PSD3: variants seen among roughly 807,000 people sequenced by gnomAD.
PSD3 encodes pleckstrin and Sec7 domain containing 3, also known as PH and SEC7 domain-containing protein 3.
A neutral mutation model predicts 105.5 loss-of-function variants in PSD3; 49 were observed. The observed-to-expected ratio is 0.46, with a 90% CI of 0.37 to 0.59. The LOEUF (loss-of-function observed/expected upper bound fraction) is 0.59. Ranked by LOEUF, PSD3 falls within the 20% of genes least tolerant of loss-of-function variation. The pLI, the probability that PSD3 is intolerant of heterozygous loss-of-function variation, is 0.00. For missense variants in PSD3, 1,561 were observed against 1,263.8 expected, an observed-to-expected ratio of 1.24 and a Z score of -3.57; for synonymous variants, 557 against 457.8, an observed-to-expected ratio of 1.22 and a Z score of -2.77.
chr8:18,691,976 C>T (rs1800995317), intron 9 of PSD3, among the ~76,000 whole-genome samples: 1 of 152,192 alleles, frequency 6.6e-6, no homozygotes, highest in African/African-American at 2.4e-5. Flanking sequence ...AAATTACCAA[C>T]ATTTCATTTT....
chr8:18,673,497 G>A lies in PSD3; in HGVS notation c.2173-17812C>T, dbSNP rs116458765. 8.2e-3 allele frequency among the ~76,000 whole-genome samples: 1,243 copies of A among 152,208 alleles called. 12 individuals are homozygous for A. Among genetic ancestry groups the A allele is most frequent in the African/African-American group, 0.028 (1,147 of 41,500 alleles). On this transcript the variant is annotated intron_variant, in intron 9 of 15. Coordinates refer to ENST00000327040, the MANE Select transcript of PSD3 (RefSeq NM_015310.4). ...CCAGCAGGCATTCCTTCGGTGCCAT[G>A]GTTGGAAGCATGTCTCTTGGCATCG... is the stretch of plus-strand genomic sequence containing the variant.
At chr8:18,560,611 T>C (rs1223671059) in intron 14 of PSD3, among the ~76,000 whole-genome samples, 1 of 152,098 alleles carries the variant, frequency 6.6e-6, no homozygotes, top group African/African-American at 2.4e-5. Flanking sequence ...TATATGTCAA[T>C]AGATTTAAAT....
chr8:18,567,904 G>C (rs370916974), intron 14 of PSD3, among the ~76,000 whole-genome samples: 1 of 152,182 alleles, frequency 6.6e-6, no homozygotes, highest in Non-Finnish European at 1.5e-5. Flanking sequence ...AGGTGTTTGC[G>C]TTATGGGGGT....
intron 12 of PSD3, among the ~76,000 whole-genome samples, chr8:18,585,812 C>A (rs73579995): frequency 0.016 from 2,425 of 152,154 alleles, 73 homozygotes; most frequent in African/African-American, 0.056. Context: ...TCATTTTACA[C>A]AGAAATGAGT....
At chr8:18,555,875 G>A (rs1370595578) in intron 15 of PSD3, among the ~76,000 whole-genome samples, 1 of 152,162 alleles carries the variant, frequency 6.6e-6, no homozygotes, top group Non-Finnish European at 1.5e-5. Flanking sequence ...AATTCTGCCG[G>A]AAGAGACACA....
chr8:18,698,692 TAGC>T lies in PSD3; in HGVS notation c.2173-43010_2173-43008del, dbSNP rs1443890255. The stretch of plus-strand genomic sequence containing the variant: ...ACAAGTTTATGGTAATTTGATACAG[TAGC>T]AATAGCAAACAGATATACCTATAAT... On this transcript the variant is annotated intron_variant, in intron 9 of 15. Transcript: ENST00000327040. 2.0e-5 allele frequency among the ~76,000 whole-genome samples: 3 copies of T among 152,284 alleles called. No homozygotes were observed. The South Asian group carries it at 6.2e-4, about 32-fold the overall frequency.
intron 4 of PSD3, chr8:18,865,264 ATATATATATATATATATATATATTTTTT>A (rs1563360332): frequency 0.013 from 45 of 3,430 alleles, 3 homozygotes; most frequent in Admixed American, 0.022. Flanking sequence ...ATATATATAT[ATATATATATATATATATATATATTTTTT>A]TTTTTTTTTT....
chr8:18,954,301 T>C (rs970997678), intron 1 of PSD3, among the ~76,000 whole-genome samples: 20 of 152,156 alleles, frequency 1.3e-4, no homozygotes, highest in Non-Finnish European at 2.9e-4. Context: ...CAATGCTGAA[T>C]TTGACCTCAT....
chr8:18,726,411 T>C (rs1056168202), intron 9 of PSD3, among the ~76,000 whole-genome samples: 1 of 152,212 alleles, frequency 6.6e-6, no homozygotes, highest in Non-Finnish European at 1.5e-5. Context: ...TCCACTGTAA[T>C]TCCCCAATAT....
chr8:18,898,312 T>C (rs1819284109), intron 2 of PSD3, among the ~76,000 whole-genome samples: 1 of 152,196 alleles, frequency 6.6e-6, no homozygotes, highest in Non-Finnish European at 1.5e-5. Flanking sequence ...TTATAAGTGT[T>C]ATATCTGCTT....
chr8:18,929,848 G>C (rs1821621434), intron 2 of PSD3, among the ~76,000 whole-genome samples: 4 of 152,076 alleles, frequency 2.6e-5, no homozygotes, highest in Non-Finnish European at 5.9e-5. Context: ...TTTATTTAGA[G>C]AGATTCAAAA....
rs935252683 is a variant in PSD3, at chr8:18,529,260, C to T, written c.*6483G>A. On this transcript the variant is annotated 3_prime_UTR_variant, in exon 16 of 16. Coordinates refer to ENST00000327040, the MANE Select transcript of PSD3 (RefSeq NM_015310.4). ...TTTATGTGTTAAAAATATAATGCATCTCAAAGTCAGACACTAGAGCTCAGA... is the reference window on the plus strand; with the variant it reads ...TTTATGTGTTAAAAATATAATGCATTTCAAAGTCAGACACTAGAGCTCAGA... 1 of 152,178 alleles carries T rather than the reference C, an allele frequency of 6.6e-6. No homozygotes were observed. Among genetic ancestry groups the T allele is most frequent in the African/African-American group, 2.4e-5 (1 of 41,450 alleles). 9.4% of individuals were successfully genotyped at this position (152,178 alleles called of 1,614,324 possible).
At chr8:18,710,993 TAAAA>T (rs75093545) in intron 9 of PSD3, among the ~76,000 whole-genome samples, 122 of 151,820 alleles carry the variant, frequency 8.0e-4, no homozygotes, top group African/African-American at 3.0e-3. Context: ...TCAACATTCT[TAAAA>T]AAAAGAATTT....
At chr8:19,017,733 T>C (rs972988547), upstream of PSD3, among the ~76,000 whole-genome samples, 1 of 152,232 alleles carries the variant, frequency 6.6e-6, no homozygotes, top group African/African-American at 2.4e-5. Context: ...GTAGCATATA[T>C]CAGAACTTCA....
chr8:18,770,723 T>C (rs893341180), intron 8 of PSD3, among the ~76,000 whole-genome samples: 1 of 152,224 alleles, frequency 6.6e-6, no homozygotes, highest in East Asian at 1.9e-4. Flanking sequence ...CTCTTTTAGC[T>C]TGGCTGTCTG....
chr8:18,845,771 T>C (rs1239070993), intron 4 of PSD3, among the ~76,000 whole-genome samples: 2 of 152,054 alleles, frequency 1.3e-5, no homozygotes, highest in East Asian at 3.9e-4. Flanking sequence ...ACCCCACCTC[T>C]ACAAAAAAAA....
intron 14 of PSD3, among the ~76,000 whole-genome samples, 175 bp downstream of exon 14, chr8:18,572,353 C>T (rs1802195129): frequency 6.6e-6 from 1 of 152,186 alleles, no homozygotes; most frequent in African/African-American, 2.4e-5. Context: ...CAGCTTCCTA[C>T]ATGAAGTGTA....
At chr8:18,589,831 C>G (rs1048934250) in intron 12 of PSD3, among the ~76,000 whole-genome samples, 7 of 152,114 alleles carry the variant, frequency 4.6e-5, no homozygotes, top group Non-Finnish European at 8.8e-5. Context: ...GGCAAGGGTC[C>G]CCTGCCCAAA....
At chr8:18,812,218 G>C (rs891911049) in intron 4 of PSD3, among the ~76,000 whole-genome samples, 1 of 152,206 alleles carries the variant, frequency 6.6e-6, no homozygotes, top group Admixed American at 6.5e-5. Flanking sequence ...ATGTTTGACA[G>C]ATGATGAGGA....
Sources: gnomAD v4.1 joint callset for allele counts (sites outside exome capture counted in the v4.1 genomes callset) on GRCh38, gnomAD v4.1.1 for gene constraint, MANE v1.5 for transcripts, NCBI Gene and HGNC (gene_info 2026-07-23, HGNC 2026-07-21) for gene names.